Variants in NRP1 observed in about 807,000 individuals in gnomAD.
NRP1 encodes neuropilin-1.
In NRP1, 35 loss-of-function variants were observed where a neutral mutation model predicts 106.7. The observed-to-expected ratio is 0.33, with a 90% CI of 0.25 to 0.43. The LOEUF is 0.43. Ranked by LOEUF, NRP1 falls within the 20% of genes least tolerant of loss-of-function variation. The pLI, the probability that NRP1 is intolerant of heterozygous loss-of-function variation, is 1.00. For missense variants in NRP1, 1,024 were observed against 1,170.4 expected (o/e 0.87, Z 1.83); for synonymous variants, 437 against 417.9 (o/e 1.05, Z -0.56).
Position 33,194,287 on chromosome 10 carries a change from TG to T in NRP1, c.1925-1870del, listed in dbSNP as rs1836620908. On this transcript the variant is annotated intron_variant, in intron 12 of 16. Transcript: ENST00000374867. ...ATGTTAATATTGGAACATGTTAATG[TG>T]TGTGTGGTTTTGATTTTTCTCCTTA... The T allele has an allele frequency of 2.6e-5, 4 of 156,626 alleles. No individual in the cohort carries two copies. The South Asian group carries it at 7.9e-4, about 31-fold the overall frequency. 9.7% of individuals were successfully genotyped at this position (156,626 alleles called of 1,614,324 possible).
chr10:33,238,984 G>A (rs575999264), intron 6 of NRP1, among the ~76,000 whole-genome samples: 1 of 151,582 alleles, frequency 6.6e-6, no homozygotes, highest in Admixed American at 6.6e-5. Flanking sequence ...TCCTTTGAAG[G>A]AGAGAGAGAG....
intron 6 of NRP1, among the ~76,000 whole-genome samples, chr10:33,245,622 C>T (rs1370236374): frequency 6.6e-6 from 1 of 152,198 alleles, no homozygotes; most frequent in African/African-American, 2.4e-5. Flanking sequence ...CCATTTTCAT[C>T]TTGTTACAAT....
At chr10:33,188,646 G>C (rs933723440) in intron 13 of NRP1, among the ~76,000 whole-genome samples, 1 of 151,926 alleles carries the variant, frequency 6.6e-6, no homozygotes, top group Non-Finnish European at 1.5e-5. Context: ...GGAAGCCGAG[G>C]TGGCTGAATC....
At chr10:33,309,606 T>G (rs914460957) in intron 2 of NRP1, among the ~76,000 whole-genome samples, 8 of 152,196 alleles carry the variant, frequency 5.3e-5, no homozygotes, top group Non-Finnish European at 8.8e-5. Flanking sequence ...TGAACAATGC[T>G]TCCGTTTTTG....
At chr10:33,294,405 G>T (rs1452243588) in intron 2 of NRP1, among the ~76,000 whole-genome samples, 1 of 152,014 alleles carries the variant, frequency 6.6e-6, no homozygotes, top group African/African-American at 2.4e-5. Context: ...ATCTCCTGAG[G>T]TCGGGAGTTC....
rs571399930 is a variant in NRP1 at position 33,183,555 on chromosome 10, A to G, written c.2432-807T>C. 5.3e-5 allele frequency among the ~76,000 whole-genome samples: 8 copies of G among 152,324 alleles called. No individual in the cohort carries two copies. In the South Asian group the frequency reaches 8.3e-4, roughly 16 times the overall value. ...GGCAAGAGACTGTGCCCTGTGTATTACAAAAATAGATAAATACATAAAATA... is the reference window on the plus strand; with the variant it reads ...GGCAAGAGACTGTGCCCTGTGTATTGCAAAAATAGATAAATACATAAAATA... On this transcript the variant is annotated intron_variant, in intron 15 of 16. Coordinates refer to ENST00000374867, the MANE Select transcript of NRP1 (RefSeq NM_003873.7).
At chr10:33,206,599 G>T (rs777880721) in intron 10 of NRP1, among the ~76,000 whole-genome samples, 1 of 152,290 alleles carries the variant, frequency 6.6e-6, no homozygotes, top group African/African-American at 2.4e-5. Flanking sequence ...TTGCAGGAAG[G>T]TGACATTAAA....
chr10:33,319,008 T>C (rs951027849), intron 2 of NRP1, among the ~76,000 whole-genome samples: 2 of 138,690 alleles, frequency 1.4e-5, no homozygotes, highest in African/African-American at 5.2e-5. Context: ...CTTTCTTTTT[T>C]TTTTTTTTTT....
At chr10:33,248,837 A>G (rs1237102379) in intron 6 of NRP1, among the ~76,000 whole-genome samples, 1 of 152,180 alleles carries the variant, frequency 6.6e-6, no homozygotes, top group East Asian at 1.9e-4. Flanking sequence ...ACCAACCCAA[A>G]CAGGATGTGG....
At chr10:33,295,780 G>A (rs1466161999) in intron 2 of NRP1, among the ~76,000 whole-genome samples, 4 of 152,078 alleles carry the variant, frequency 2.6e-5, no homozygotes, top group South Asian at 4.2e-4. Flanking sequence ...CCTGTTAGTA[G>A]ATAAAACAAA....
intron 2 of NRP1, among the ~76,000 whole-genome samples, chr10:33,318,197 A>C (rs1174385844): frequency 6.6e-6 from 1 of 152,180 alleles, no homozygotes; most frequent in Non-Finnish European, 1.5e-5. Context: ...GCAGACTCTG[A>C]TGTAGGCAAC....
At chr10:33,215,942 G>A (rs1179140293) in intron 8 of NRP1, among the ~76,000 whole-genome samples, 2 of 152,118 alleles carry the variant, frequency 1.3e-5, no homozygotes, top group African/African-American at 4.8e-5. Flanking sequence ...GGGAGTTTGG[G>A]AGCTTTCTTT....
At chr10:33,276,750 C>A (rs1355298862) in intron 2 of NRP1, among the ~76,000 whole-genome samples, 1 of 152,076 alleles carries the variant, frequency 6.6e-6, no homozygotes, top group Non-Finnish European at 1.5e-5. Context: ...GTTATTGTTG[C>A]TAGACAATCA....
At chr10:33,289,673 T>C (rs1844846677) in intron 2 of NRP1, among the ~76,000 whole-genome samples, 1 of 152,186 alleles carries the variant, frequency 6.6e-6, no homozygotes, top group Admixed American at 6.5e-5. Context: ...ATACGAATGG[T>C]AAGTTTTGCC....
intron 2 of NRP1, among the ~76,000 whole-genome samples, chr10:33,272,254 C>A (rs1167434393): frequency 1.3e-5 from 2 of 152,162 alleles, no homozygotes; most frequent in Non-Finnish European, 1.5e-5. Context: ...AAACTGTGTG[C>A]CAGCTTTGTG....
At position 33,192,184 on chromosome 10, in the gene NRP1, C is replaced by T; in HGVS notation, c.2062+97G>A. Reference sequence around the variant, plus strand: ...GAACGCCTGTAGTAATTCCTACCCGCCCTAAATTCACAGACATTAGAAACC... The same window carrying T: ...GAACGCCTGTAGTAATTCCTACCCGTCCTAAATTCACAGACATTAGAAACC... On this transcript the variant is annotated intron_variant, in intron 13 of 16. Transcript: ENST00000374867. 8 of 1,331,908 alleles carry T rather than the reference C, an allele frequency of 6.0e-6. No individual in the cohort carries two copies. In the South Asian group the frequency reaches 7.2e-5, roughly 12 times the overall value. The allele number at this position is 1,331,908 out of a possible 1,614,324, so 82.5% of individuals were successfully genotyped here.
In NRP1 at chr10:33,334,614, C is replaced by G. The variant is rs1848511682; in HGVS notation, c.-232G>C. On this transcript the variant is annotated 5_prime_UTR_variant, in exon 1 of 17. Transcript: ENST00000374867. ...TCCTGTCATTTAGCTCCGGCTTCCT[C>G]TCCCTTTTCCCACACTTGTTCCTCT... 2 of 338,036 alleles carry G rather than the reference C, an allele frequency of 5.9e-6. No individual in the cohort carries two copies. Among genetic ancestry groups the G allele is most frequent in the Non-Finnish European group, 1.1e-5 (2 of 186,246 alleles). The allele number at this position is 338,036 out of a possible 1,614,324, so 20.9% of individuals were successfully genotyped here. A position where few individuals can be genotyped will look rare whatever the true frequency, so the allele number is the denominator to read the frequency against.
intron 2 of NRP1, among the ~76,000 whole-genome samples, chr10:33,293,609 A>G (rs1295905420): frequency 6.6e-6 from 1 of 152,192 alleles, no homozygotes; most frequent in African/African-American, 2.4e-5. Flanking sequence ...TCAGCACTGG[A>G]TTCTGGATTC....
chr10:33,218,869 C>G (rs1839000029), intron 8 of NRP1, among the ~76,000 whole-genome samples: 1 of 152,084 alleles, frequency 6.6e-6, no homozygotes, highest in Non-Finnish European at 1.5e-5. Flanking sequence ...TTCCTTCATT[C>G]AAAAGTAACC....
Sources: allele counts gnomAD v4.1 joint callset (sites outside exome capture counted in the v4.1 genomes callset), GRCh38; gene constraint gnomAD v4.1.1; transcripts MANE v1.5; gene names NCBI Gene and HGNC (gene_info 2026-07-23, HGNC 2026-07-21).